Variants in DNAJB2 observed in about 807,000 individuals in gnomAD.
DNAJB2 encodes dnaJ homolog subfamily B member 2.
DNAJB2 carries 19 observed loss-of-function variants against 33.3 expected under a neutral mutation model. The ratio of observed to expected loss-of-function variants is 0.57; its 90% CI spans 0.40 to 0.84. DNAJB2 has a LOEUF of 0.84. Among genes scored for constraint, DNAJB2 ranks in the 40% least tolerant of loss-of-function variants. DNAJB2 has a pLI of 0.00. For synonymous variants in DNAJB2, 172 were observed against 164.6 expected (o/e 1.04, Z -0.34); for missense variants, 368 against 430.9 (o/e 0.85, Z 1.29).
Position 219,285,316 on chromosome 2 carries a change from C to T in DNAJB2, c.*329C>T, listed in dbSNP as rs1420099375. 22 of 1,057,546 alleles carry T rather than the reference C, an allele frequency of 2.1e-5. No homozygotes were observed. In the African/African-American group the frequency reaches 3.3e-4, roughly 16 times the overall value. The allele number at this position is 1,057,546 out of a possible 1,614,324, so 65.5% of individuals were successfully genotyped here. A position where few individuals can be genotyped will look rare whatever the true frequency, so the allele number is the denominator to read the frequency against. The stretch of plus-strand genomic sequence containing the variant: ...CCTTTTGTGCCCTGGTACTCTGCCA[C>T]CTGTGTTGCTGATGGTGTCAAGGAA... On this transcript the variant is annotated 3_prime_UTR_variant, in exon 9 of 9. Coordinates refer to ENST00000336576, the MANE Select transcript of DNAJB2 (RefSeq NM_006736.6).
At chr2:219,282,701 A>T in intron 5 of DNAJB2, 136 bp from the exon 6 acceptor site, 5 of 716,642 alleles carry the variant, frequency 7.0e-6, no homozygotes, top group Non-Finnish European at 1.1e-5. Flanking sequence ...GGAATTTATA[A>T]ATAAGCCCAA....
chr2:219,283,045 C>A, intron 6 of DNAJB2, 88 bp from the exon 7 acceptor site: 2 of 1,579,230 alleles, frequency 1.3e-6, no homozygotes, highest in South Asian at 1.1e-5. Flanking sequence ...AGCAGCCCTG[C>A]GAGGCGGCCT....
In DNAJB2 at chr2:219,279,878, C is replaced by G. The variant is rs1233341448; in HGVS notation, c.45C>G (p.Ser15=). ...TCCTAGACGTGCCGCGAAGTGCGTC[C>G]GCTGATGACATCAAGAAGGCGTAAG... ...YEILDVPRSA[S]ADDIKKAYRR... Residue 15 remains serine (S), a synonymous_variant, in exon 2 of 9, where the codon TCC becomes TCG. Coordinates refer to ENST00000336576, the MANE Select transcript of DNAJB2 (RefSeq NM_006736.6). The surrounding 1 kb of genome is among the most constrained non-coding windows in gnomAD (Gnocchi z 4.9). The G allele has an allele frequency of 1.2e-6, 2 of 1,614,030 alleles. No individual in the cohort carries two copies. Among genetic ancestry groups the G allele is most frequent in the Non-Finnish European group, 8.5e-7 (1 of 1,179,980 alleles).
chr2:219,286,774 C>A lies in DNAJB2; in HGVS notation c.*1787C>A, dbSNP rs1412351278. ...CTCCCTGCCTGGGGAGCCCAGTGGC[C>A]AGGGAGGGGAGTGGTGGAGCCAGTC... On this transcript the variant is annotated 3_prime_UTR_variant, in exon 9 of 9. Transcript: ENST00000336576. 1 of 152,248 alleles carries A rather than the reference C, an allele frequency of 6.6e-6. No homozygotes were observed. Among genetic ancestry groups the A allele is most frequent in the African/African-American group, 2.4e-5 (1 of 41,448 alleles). The allele number at this position is 152,248 out of a possible 1,614,324, so 9.4% of individuals were successfully genotyped here. A position where few individuals can be genotyped will look rare whatever the true frequency, so the allele number is the denominator to read the frequency against.
chr2:219,286,329 C>A lies in DNAJB2; in HGVS notation c.*1342C>A, dbSNP rs563782600. ...TAGTAGCCCAGGTCGGCTTGTCACT[C>A]GCTGTGAGATGGGGAGATTTTGTCT... On this transcript the variant is annotated 3_prime_UTR_variant, in exon 9 of 9. Transcript: ENST00000336576. 3.0e-6 allele frequency: 1 copy of A among 328,138 alleles called. No homozygotes were observed. The highest frequency in any genetic ancestry group is 5.7e-6 in the Non-Finnish European group (1 of 174,152). 20.3% of individuals were successfully genotyped at this position (328,138 alleles called of 1,614,324 possible). A position where few individuals can be genotyped will look rare whatever the true frequency, so the allele number is the denominator to read the frequency against.
rs1403156116 is a variant in DNAJB2, at chr2:219,280,586, G to A, written c.74G>A (p.Arg25His). 8 of 1,613,750 alleles carry A rather than the reference G, an allele frequency of 5.0e-6. No homozygotes were observed. Among genetic ancestry groups the A allele is most frequent in the African/African-American group, 4.0e-5 (3 of 74,878 alleles). ...GCACCCACTTTCTGCAGGTATCGGCGCAAGGCTCTCCAGTGGCACCCAGAC... is the reference window on the plus strand; with the variant it reads ...GCACCCACTTTCTGCAGGTATCGGCACAAGGCTCTCCAGTGGCACCCAGAC... Reference protein sequence around the residue: ...SADDIKKAYRRKALQWHPDKN... With the variant: ...SADDIKKAYRHKALQWHPDKN... The change falls in exon 3 of 9, where the codon CGC (arginine) becomes CAC (histidine). Residue 25 changes from arginine (R) to histidine (H), a missense_variant. Coordinates refer to ENST00000336576, the MANE Select transcript of DNAJB2 (RefSeq NM_006736.6).
At position 219,285,696 on chromosome 2, in the gene DNAJB2, G is replaced by T; in HGVS notation, c.*709G>T. The T allele has an allele frequency of 8.3e-7, 1 of 1,198,318 alleles. No individual in the cohort carries two copies. The highest frequency in any genetic ancestry group is 3.7e-5 in the East Asian group (1 of 27,220). 74.2% of individuals were successfully genotyped at this position (1,198,318 alleles called of 1,614,324 possible). On this transcript the variant is annotated 3_prime_UTR_variant, in exon 9 of 9. Transcript: ENST00000336576. Reference sequence around the variant, plus strand: ...AGCCGGGTGGGGCGGGAGCCTCTCAGCTGTCCAGATTCAGAACTGGAGCCC... The same window carrying T: ...AGCCGGGTGGGGCGGGAGCCTCTCATCTGTCCAGATTCAGAACTGGAGCCC...
At position 219,279,704 on chromosome 2, in the gene DNAJB2, A is replaced by G; in HGVS notation, c.-36-94A>G. ...CAGAGCCCGGTGTGCTCCGCTTCCA[A>G]CTGGGAGCGCCTTCCGCCACCCGGG... On this transcript the variant is annotated intron_variant, in intron 1 of 8. Transcript: ENST00000336576. This position sits in a 1 kb window ranked among gnomAD's most constrained non-coding sequence, Gnocchi z 4.9. 1.0e-6 allele frequency: 1 copy of G among 970,326 alleles called. No individual in the cohort carries two copies. The highest frequency in any genetic ancestry group is 1.5e-5 in the South Asian group (1 of 66,154). The allele number at this position is 970,326 out of a possible 1,614,324, so 60.1% of individuals were successfully genotyped here.
rs887190277 is a variant in DNAJB2, at chr2:219,285,414, C to G, written c.*427C>G. The G allele has an allele frequency of 9.9e-6, 10 of 1,007,786 alleles. No homozygotes were observed. Among genetic ancestry groups the G allele is most frequent in the Non-Finnish European group, 1.2e-5 (10 of 844,646 alleles). 62.4% of individuals were successfully genotyped at this position (1,007,786 alleles called of 1,614,324 possible). A position where few individuals can be genotyped will look rare whatever the true frequency, so the allele number is the denominator to read the frequency against. The stretch of plus-strand genomic sequence containing the variant: ...GGAGAGCAGTGCAGGCAGAGTGGAG[C>G]CTCCTGCTCTCCTGGACCAGCTGCA... On this transcript the variant is annotated 3_prime_UTR_variant, in exon 9 of 9. Coordinates refer to ENST00000336576, the MANE Select transcript of DNAJB2 (RefSeq NM_006736.6).
Position 219,285,033 on chromosome 2 carries a change from T to C in DNAJB2, c.*46T>C. ...TGATCCAGATCTTGACTGGGGGGTC[T>C]GACTCACTGTGGGAAGAGAAGAGGG... On this transcript the variant is annotated 3_prime_UTR_variant, in exon 9 of 9. Transcript: ENST00000336576. 6.9e-7 allele frequency: 1 copy of C among 1,443,980 alleles called. No homozygotes were observed. Among genetic ancestry groups the C allele is most frequent in the Non-Finnish European group, 9.2e-7 (1 of 1,092,584 alleles). 89.4% of individuals were successfully genotyped at this position (1,443,980 alleles called of 1,614,324 possible).
intron 5 of DNAJB2, chr2:219,282,297 T>C: frequency 1.7e-6 from 1 of 583,980 alleles, no homozygotes; most frequent in East Asian, 2.9e-5. Flanking sequence ...CAATAATACA[T>C]TGTTAGACTT....
intron 7 of DNAJB2, 64 bp downstream of exon 7, chr2:219,283,299 A>C (rs1951923972): frequency 6.2e-7 from 1 of 1,610,468 alleles, no homozygotes; most frequent in East Asian, 2.2e-5. Context: ...GTTCAAATAG[A>C]AAGTTGGCTC....
Position 219,285,877 on chromosome 2 carries a change from G to A in DNAJB2, c.*890G>A. 2.0e-6 allele frequency: 3 copies of A among 1,532,588 alleles called. No homozygotes were observed. The highest frequency in any genetic ancestry group is 1.4e-5 in the African/African-American group (1 of 73,520). 94.9% of individuals were successfully genotyped at this position (1,532,588 alleles called of 1,614,324 possible). ...CATACTGCTTCCCTACCACAAATCA[G>A]GGCTCAGGGAGAGGCCATGCGGCCA... On this transcript the variant is annotated 3_prime_UTR_variant, in exon 9 of 9. Transcript: ENST00000336576.
At position 219,279,712 on chromosome 2, in the gene DNAJB2, C is replaced by A; in HGVS notation, c.-36-86C>A. 9.5e-7 allele frequency: 1 copy of A among 1,049,370 alleles called. No homozygotes were observed. The highest frequency in any genetic ancestry group is 1.4e-6 in the Non-Finnish European group (1 of 719,054). 65.0% of individuals were successfully genotyped at this position (1,049,370 alleles called of 1,614,324 possible). On this transcript the variant is annotated intron_variant, in intron 1 of 8. Transcript: ENST00000336576. This position sits in a 1 kb window ranked among gnomAD's most constrained non-coding sequence, Gnocchi z 4.9. ...GGTGTGCTCCGCTTCCAACTGGGAGCGCCTTCCGCCACCCGGGGAGGGGGA... is the reference window on the plus strand; with the variant it reads ...GGTGTGCTCCGCTTCCAACTGGGAGAGCCTTCCGCCACCCGGGGAGGGGGA...
In DNAJB2 at chr2:219,283,271, G is replaced by C. The variant is rs1951923681; in HGVS notation, c.548+36G>C. The C allele has an allele frequency of 1.9e-6, 3 of 1,612,870 alleles. No individual in the cohort carries two copies. The African/African-American group carries it at 4.0e-5, about 21-fold the overall frequency. ...CTTCTGGGGCCATAGAGGGGTGAGA[G>C]GTCTGCTGGGGAGCTGTGTTCAAAT... On this transcript the variant is annotated intron_variant, in intron 7 of 8. Transcript: ENST00000336576.
chr2:219,282,825 T>C lies in DNAJB2; in HGVS notation c.353-12T>C, dbSNP rs752999271. ...ATTACCAGATGACTGCTAATCTGTT[T>C]ACTTGTTGCAGATGACCTGGGCCCC... On this transcript the variant is annotated splice_polypyrimidine_tract_variant and intron_variant, in intron 5 of 8. Transcript: ENST00000336576. The C allele has an allele frequency of 4.5e-6, 7 of 1,563,978 alleles. No individual in the cohort carries two copies. The highest frequency in any genetic ancestry group is 5.2e-6 in the Non-Finnish European group (6 of 1,160,788).
At position 219,284,645 on chromosome 2, in the gene DNAJB2, C is replaced by T; in HGVS notation, c.633C>T (p.Asp211=). 6.3e-7 allele frequency: 1 copy of T among 1,589,824 alleles called. No homozygotes were observed. Among genetic ancestry groups the T allele is most frequent in the Non-Finnish European group, 8.6e-7 (1 of 1,163,954 alleles). The change falls in exon 9 of 9, where the codon GAC becomes GAT. Residue 211 remains aspartate (D), a synonymous_variant. Transcript: ENST00000336576. ...TGACTCTTGCAGGTGTCCCAGATGA[C>T]CTGGCACTGGGCTTGGAGCTGAGCC... ...KSVTINGVPD[D]LALGLELSRR... is the part of the protein sequence containing the mutation.
chr2:219,285,762 CAGGACT>C lies in DNAJB2; in HGVS notation c.*779_*784del. On this transcript the variant is annotated 3_prime_UTR_variant, in exon 9 of 9. Coordinates refer to ENST00000336576, the MANE Select transcript of DNAJB2 (RefSeq NM_006736.6). ...CGTTGCCTCAGCCTGCCCTCACCCT[CAGGACT>C]AGGCAGAGGTGAGGCTGGCTCACCC... 14 of 1,316,456 alleles carry C rather than the reference CAGGACT, an allele frequency of 1.1e-5. No homozygotes were observed. The highest frequency in any genetic ancestry group is 1.4e-5 in the Non-Finnish European group (14 of 1,028,066). The allele number at this position is 1,316,456 out of a possible 1,614,324, so 81.5% of individuals were successfully genotyped here.
intron 7 of DNAJB2, 35 bp from the exon 8 acceptor site, chr2:219,283,384 A>C: frequency 6.2e-7 from 1 of 1,611,650 alleles, no homozygotes; most frequent in Non-Finnish European, 8.5e-7. Context: ...GGATTCTGTC[A>C]CTGCTCGTTG....
Sources: allele counts gnomAD v4.1 joint callset, GRCh38; gene constraint gnomAD v4.1.1; non-coding constraint Gnocchi (gnomAD v3.1); transcripts MANE v1.5; gene names NCBI Gene and HGNC (gene_info 2026-07-23, HGNC 2026-07-21).